C1orf141: variants seen among roughly 807,000 people sequenced by gnomAD.
C1orf141 encodes the protein chromosome 1 open reading frame 141, also known as uncharacterized protein C1orf141.
A neutral mutation model predicts 23.2 loss-of-function variants in C1orf141; 19 were observed. That is an observed-to-expected ratio of 0.82 (90% CI 0.57 to 1.20). The LOEUF (loss-of-function observed/expected upper bound fraction) is 1.20. C1orf141 is among the 50% of genes most tolerant of loss of function. The pLI is 0.00. For synonymous variants in C1orf141, 153 were observed against 154.6 expected (o/e 0.99, Z 0.08); for missense variants, 469 against 455.1 (o/e 1.03, Z -0.28).
At chr1:67,103,577 T>TA (rs1230700171) in intron 5 of C1orf141, among the ~76,000 whole-genome samples, 2 of 152,066 alleles carry the variant, frequency 1.3e-5, no homozygotes, top group Non-Finnish European at 2.9e-5. Context: ...GCATTATCAA[T>TA]AAAAAAACAA....
At chr1:67,094,244 A>G (rs1471647439) in intron 7 of C1orf141, 1 of 152,226 alleles carries the variant, frequency 6.6e-6, no homozygotes, top group East Asian at 1.9e-4. Context: ...TACTGAAAAG[A>G]TGACAAAGAT....
intron 5 of C1orf141, among the ~76,000 whole-genome samples, chr1:67,099,432 AC>A (rs1157048906): frequency 5.9e-5 from 9 of 152,228 alleles, no homozygotes; most frequent in Non-Finnish European, 1.2e-4. Flanking sequence ...TTAATAGCCA[AC>A]AGGTCACCAT....
chr1:67,103,045 C>T (rs1412102584), intron 5 of C1orf141, among the ~76,000 whole-genome samples: 1 of 151,854 alleles, frequency 6.6e-6, no homozygotes, highest in Non-Finnish European at 1.5e-5. Flanking sequence ...AGTAAAACAG[C>T]CTATTAAATA....
intron 1 of C1orf141, among the ~76,000 whole-genome samples, 164 bp downstream of exon 1, chr1:67,134,766 C>A (rs1452960227): frequency 6.6e-6 from 1 of 152,224 alleles, no homozygotes; most frequent in Non-Finnish European, 1.5e-5. Flanking sequence ...ACTTGCCTGA[C>A]CTCAACCACA....
intron 5 of C1orf141, among the ~76,000 whole-genome samples, chr1:67,106,500 GA>G (rs998150406): frequency 0.011 from 1,592 of 150,876 alleles, 20 homozygotes; most frequent in African/African-American, 0.036. Context: ...TACAAAAAAA[GA>G]AAAAAAAATT....
At chr1:67,111,095 ACTT>A in intron 5 of C1orf141, among the ~76,000 whole-genome samples, 1 of 152,006 alleles carries the variant, frequency 6.6e-6, no homozygotes, top group South Asian at 2.1e-4. Flanking sequence ...ATGCCCATGA[ACTT>A]CTGCTGAAGT....
At chr1:67,096,162 G>GAT in intron 6 of C1orf141, 90 bp downstream of exon 6, 1 of 693,618 alleles carries the variant, frequency 1.4e-6, no homozygotes, top group Non-Finnish European at 2.5e-6. Context: ...TAATAAGGCA[G>GAT]AATAAATTTA....
chr1:67,111,614 G>T, intron 5 of C1orf141: 2 of 1,387,354 alleles, frequency 1.4e-6, no homozygotes, highest in Non-Finnish European at 1.9e-6. Context: ...GGGTCTAATA[G>T]ATCTTGATTT....
chr1:67,101,713 T>G (rs1330538236), intron 5 of C1orf141, among the ~76,000 whole-genome samples: 3 of 152,142 alleles, frequency 2.0e-5, no homozygotes, highest in Non-Finnish European at 4.4e-5. Flanking sequence ...TTTGTGTTAT[T>G]CATTTTGGCC....
chr1:67,131,765 A>G (rs1226238545), intron 1 of C1orf141, among the ~76,000 whole-genome samples: 1 of 147,562 alleles, frequency 6.8e-6, no homozygotes, highest in Non-Finnish European at 1.5e-5. Flanking sequence ...TTTATGAAAT[A>G]TGGTATGAAG....
intron 5 of C1orf141, among the ~76,000 whole-genome samples, chr1:67,099,465 C>T (rs1011095030): frequency 6.6e-6 from 1 of 152,162 alleles, no homozygotes; most frequent in Non-Finnish European, 1.5e-5. Flanking sequence ...CTAACACATG[C>T]TCTTCAGGAA....
chr1:67,113,643 C>A (rs1033821354), intron 5 of C1orf141: 9 of 1,139,250 alleles, frequency 7.9e-6, no homozygotes, highest in Non-Finnish European at 1.0e-5. Context: ...GGGATTACAG[C>A]CATGAGCCAC....
intron 1 of C1orf141, among the ~76,000 whole-genome samples, chr1:67,131,943 C>G (rs375016501): frequency 9.2e-5 from 14 of 151,950 alleles, no homozygotes; most frequent in African/African-American, 3.4e-4. Flanking sequence ...CGCCACCACA[C>G]GCAGCTAATT....
chr1:67,132,509 G>A (rs949858341), intron 1 of C1orf141, among the ~76,000 whole-genome samples: 6 of 151,320 alleles, frequency 4.0e-5, no homozygotes, highest in Admixed American at 1.3e-4. Flanking sequence ...GGTGACGAGC[G>A]AGTCTCCATT....
chr1:67,123,021 G>A (rs990455942), intron 4 of C1orf141: 2 of 152,046 alleles, frequency 1.3e-5, no homozygotes, highest in Non-Finnish European at 2.9e-5. Flanking sequence ...GGCCAACATG[G>A]TGAAACCTCA....
chr1:67,126,245 T>C (rs940567478), intron 3 of C1orf141, among the ~76,000 whole-genome samples: 1 of 152,168 alleles, frequency 6.6e-6, no homozygotes, highest in Non-Finnish European at 1.5e-5. Flanking sequence ...GGAACCATAG[T>C]AGGCATGTCC....
intron 5 of C1orf141, among the ~76,000 whole-genome samples, chr1:67,114,924 C>A (rs563903480): frequency 2.6e-5 from 4 of 152,350 alleles, no homozygotes; most frequent in African/African-American, 9.6e-5. Flanking sequence ...GATCCACCCG[C>A]CTCGGCCTCC....
rs374204382 is a variant in C1orf141 at position 67,125,811 on chromosome 1, C to T, written c.174G>A (p.Ala58=). The change falls in exon 4 of 8, where the codon GCG becomes GCA. Residue 58 remains alanine (A), a synonymous_variant. Coordinates refer to ENST00000684719, the MANE Select transcript of C1orf141 (RefSeq NM_001276351.2). The part of the protein sequence containing the change: ...LEFEEALATS[A]SKAISKIKED... ...CTTTGATCTTTGATATTGCCTTAGACGCGGATGTAGCAAGAGCTTCTTCAA... is the reference window on the plus strand; with the variant it reads ...CTTTGATCTTTGATATTGCCTTAGATGCGGATGTAGCAAGAGCTTCTTCAA... The T allele has an allele frequency of 3.2e-5, 52 of 1,613,326 alleles. No individual in the cohort carries two copies. The highest frequency in any genetic ancestry group is 1.8e-4 in the East Asian group (8 of 44,874).
intron 5 of C1orf141, among the ~76,000 whole-genome samples, chr1:67,103,905 C>T (rs1018399349): frequency 6.6e-6 from 1 of 151,962 alleles, no homozygotes; most frequent in Non-Finnish European, 1.5e-5. Context: ...TATCTAGGCG[C>T]TCAAAATATA....
Sources: allele counts gnomAD v4.1 joint callset (sites outside exome capture counted in the v4.1 genomes callset), GRCh38; gene constraint gnomAD v4.1.1; transcripts MANE v1.5; gene names NCBI Gene and HGNC (gene_info 2026-07-23, HGNC 2026-07-21).